RAPH1: variants seen among roughly 807,000 people sequenced by gnomAD.
The protein encoded by RAPH1 is ras-associated and pleckstrin homology domains-containing protein 1.
In RAPH1, 18 loss-of-function variants were observed where a neutral mutation model predicts 88.1. The ratio of observed to expected loss-of-function variants is 0.20; its 90% CI spans 0.14 to 0.30. The LOEUF (loss-of-function observed/expected upper bound fraction) is 0.30, where lower values mean the gene tolerates loss of function less well. RAPH1 is among the 10% of genes least tolerant of loss of function. The probability of loss-of-function intolerance (pLI) is 1.00; values close to 1 mark genes in which losing one functional copy is unlikely to be tolerated. For synonymous variants in RAPH1, 587 were observed against 559.0 expected (o/e 1.05, Z -0.71); for missense variants, 1,448 against 1,543.2 (o/e 0.94, Z 1.03).
intron 4 of RAPH1, among the ~76,000 whole-genome samples, chr2:203,472,328 C>T (rs190629485): frequency 2.0e-5 from 3 of 152,170 alleles, no homozygotes; most frequent in East Asian, 1.9e-4. Context: ...GACAGAGTTT[C>T]GCCATGTTAG....
intron 1 of RAPH1, among the ~76,000 whole-genome samples, chr2:203,496,158 A>T (rs1211090503): frequency 6.6e-6 from 1 of 152,138 alleles, no homozygotes; most frequent in Non-Finnish European, 1.5e-5. Context: ...CAGGGGTTTG[A>T]AACCAGCCTG....
intron 1 of RAPH1, among the ~76,000 whole-genome samples, chr2:203,522,535 A>AT (rs1220386884): frequency 2.6e-5 from 4 of 152,154 alleles, no homozygotes; most frequent in Non-Finnish European, 4.4e-5. Flanking sequence ...CCCAGTGGGC[A>AT]TTTTTTTACA....
chr2:203,476,503 A>G (rs1687461436), intron 4 of RAPH1, among the ~76,000 whole-genome samples: 1 of 152,056 alleles, frequency 6.6e-6, no homozygotes, highest in South Asian at 2.1e-4. Flanking sequence ...GTTTCATAGT[A>G]AGTCTTTGAA....
At position 203,457,182 on chromosome 2, in the gene RAPH1, T is replaced by A. The variant is rs1302804865; in HGVS notation, c.1158+348A>T. On this transcript the variant is annotated intron_variant, in intron 8 of 13. Coordinates refer to ENST00000319170, the MANE Select transcript of RAPH1 (RefSeq NM_213589.3). Reference sequence around the variant, plus strand: ...AAGGTATTTAATATTTTATTTTATTTATTTATTTATTTATTTATTTTATTG... The same window carrying A: ...AAGGTATTTAATATTTTATTTTATTAATTTATTTATTTATTTATTTTATTG... 5.2e-4 allele frequency among the ~76,000 whole-genome samples: 79 copies of A among 151,856 alleles called. 1 individual carries two copies. The East Asian group carries it at 0.015, about 29-fold the overall frequency.
chr2:203,520,074 T>C (rs1331265531), intron 1 of RAPH1, among the ~76,000 whole-genome samples: 3 of 152,146 alleles, frequency 2.0e-5, no homozygotes, highest in Non-Finnish European at 4.4e-5. Context: ...ACACCTGTAA[T>C]CCTAGCACTT....
intron 1 of RAPH1, among the ~76,000 whole-genome samples, chr2:203,506,048 T>C (rs1688978338): frequency 6.6e-6 from 1 of 152,114 alleles, no homozygotes; most frequent in African/African-American, 2.4e-5. Context: ...GGCAGCAGTA[T>C]TTTTCTTCAC....
intron 13 of RAPH1, chr2:203,441,761 C>A (rs888469461): frequency 7.1e-6 from 9 of 1,275,562 alleles, no homozygotes; most frequent in Non-Finnish European, 8.9e-6. Context: ...CTACATGGAA[C>A]CCTCTGTGGC....
intron 8 of RAPH1, 70 bp from the exon 9 acceptor site, chr2:203,455,650 T>A: frequency 7.0e-7 from 1 of 1,424,640 alleles, no homozygotes; most frequent in East Asian, 2.3e-5. Flanking sequence ...TGTTTACTCC[T>A]GTGAAATGCA....
chr2:203,479,720 A>G (rs1687635874), intron 4 of RAPH1, among the ~76,000 whole-genome samples: 2 of 152,182 alleles, frequency 1.3e-5, no homozygotes, highest in Admixed American at 6.5e-5. Context: ...CCCTTACCAG[A>G]AAAGGATATA....
chr2:203,441,045 AGGGGGAGGG>A lies in RAPH1; in HGVS notation c.2136_2144del (p.Pro717_Pro719del). 3.1e-6 allele frequency: 1 copy of A among 321,238 alleles called. No homozygotes were observed. The highest frequency in any genetic ancestry group is 4.5e-6 in the Non-Finnish European group (1 of 223,888). The allele number at this position is 321,238 out of a possible 1,614,324, so 19.9% of individuals were successfully genotyped here. On this transcript the variant is annotated inframe_deletion, in exon 14 of 14. Transcript: ENST00000319170. Reference sequence around the variant, plus strand: ...CAGAGCCTGGGGTTGGGGGTGGAGGAGGGGGAGGGGGTGGTGGAACAACTCCATTGGGGG... The same window carrying A: ...CAGAGCCTGGGGTTGGGGGTGGAGGAGGTGGTGGAACAACTCCATTGGGGG...
chr2:203,497,283 A>T (rs972725905), intron 1 of RAPH1, among the ~76,000 whole-genome samples: 1 of 152,220 alleles, frequency 6.6e-6, no homozygotes, highest in Non-Finnish European at 1.5e-5. Context: ...CCAGAATAGT[A>T]AGAAAATTAA....
In RAPH1 at chr2:203,440,369, G is replaced by C. The variant is rs770000654; in HGVS notation, c.2821C>G (p.Pro941Ala). The stretch of plus-strand genomic sequence containing the variant: ...GTAGGAGAAGCTGTGGGTGGAGGTG[G>C]TGGTGGTGGGGCTGGGACAGGTGAT... ...PPSPVPAPPP[P>A]PPPTASPTPD... The change falls in exon 14 of 14, where the codon CCA becomes GCA. Residue 941 changes from proline (P) to alanine (A), a missense_variant. Around this residue, in one of 2 missense-constraint regions of RAPH1, gnomAD observed 935 missense variants for 890.1 expected, o/e 1.05. Transcript: ENST00000319170. 6.2e-7 allele frequency: 1 copy of C among 1,602,192 alleles called. No individual in the cohort carries two copies. The highest frequency in any genetic ancestry group is 1.3e-5 in the African/African-American group (1 of 74,536).
intron 7 of RAPH1, among the ~76,000 whole-genome samples, chr2:203,458,844 G>A (rs536800611): frequency 6.6e-6 from 1 of 151,814 alleles, no homozygotes; most frequent in African/African-American, 2.4e-5. Flanking sequence ...CTCAGTGCAA[G>A]CTCCGACTCC....
intron 4 of RAPH1, among the ~76,000 whole-genome samples, chr2:203,478,471 G>A (rs951056559): frequency 1.3e-5 from 2 of 151,924 alleles, no homozygotes; most frequent in Admixed American, 6.6e-5. Flanking sequence ...CACTTCATAA[G>A]GACATCATTT....
chr2:203,439,935 G>A lies in RAPH1; in HGVS notation c.3255C>T (p.Pro1085=). 6.2e-7 allele frequency: 1 copy of A among 1,613,908 alleles called. No individual in the cohort carries two copies. The highest frequency in any genetic ancestry group is 8.5e-7 in the Non-Finnish European group (1 of 1,180,014). The change falls in exon 14 of 14, where the codon CCC becomes CCT. Residue 1085 remains proline, a synonymous_variant. Transcript: ENST00000319170. ...AGAAAACTGCTGGAATCTCAATGGG[G>A]GGCAGAGGAAGCTCTGTTTCAGGTG... ...PPPPETELPL[P]PIEIPAVFSG...
chr2:203,438,082 G>A lies in RAPH1; in HGVS notation c.*1355C>T, dbSNP rs540819276. ...CTCCACGTTATACCAAACTGCACAC[G>A]CATAAAACGTAATGTCAGTTACTGG... On this transcript the variant is annotated 3_prime_UTR_variant, in exon 14 of 14. Transcript: ENST00000319170. The A allele has an allele frequency of 3.4e-4, 173 of 510,144 alleles. 2 individuals carry two copies. The highest frequency in any genetic ancestry group is 2.0e-3 in the South Asian group (138 of 69,418). The allele number at this position is 510,144 out of a possible 1,614,324, so 31.6% of individuals were successfully genotyped here. A position where few individuals can be genotyped will look rare whatever the true frequency, so the allele number is the denominator to read the frequency against.
In RAPH1 at chr2:203,439,673, G is replaced by A; in HGVS notation, c.3517C>T (p.Leu1173=). 1 of 1,614,136 alleles carries A rather than the reference G, an allele frequency of 6.2e-7. No homozygotes were observed. The highest frequency in any genetic ancestry group is 2.2e-5 in the East Asian group (1 of 44,876). The change falls in exon 14 of 14, where the codon CTG becomes TTG. Residue 1173 remains leucine, a synonymous_variant. Transcript: ENST00000319170. ...PGFLADLNRT[L]QRKSITRHGS... Reference sequence around the variant, plus strand: ...TGCCGAGTGATGGACTTTCGTTGCAGTGTCCTGTTGAGGTCAGCCAGGAAT... The same window carrying A: ...TGCCGAGTGATGGACTTTCGTTGCAATGTCCTGTTGAGGTCAGCCAGGAAT...
rs143283518 is a variant in RAPH1, at chr2:203,440,582, G to T, written c.2608C>A (p.Pro870Thr). The T allele has an allele frequency of 2.3e-5, 36 of 1,554,026 alleles. No homozygotes were observed. In the African/African-American group the frequency reaches 4.7e-4, roughly 20 times the overall value. ...SVVKQIASQF[P>T]PPPTPPAMES... ...ATGGCAGGGGGAGTTGGAGGGGGTG[G>T]AAACTGGCTGGCTATCTGCTTCACG... The change falls in exon 14 of 14, where the codon CCA (proline) becomes ACA (threonine). Residue 870 changes from proline (P) to threonine (T), a missense_variant. Transcript: ENST00000319170.
chr2:203,479,048 G>A (rs912057489), intron 4 of RAPH1, among the ~76,000 whole-genome samples: 3 of 151,968 alleles, frequency 2.0e-5, no homozygotes, highest in Admixed American at 6.6e-5. Flanking sequence ...AAGTATTAAC[G>A]AATATACGGG....
Sources: allele counts gnomAD v4.1 joint callset (sites outside exome capture counted in the v4.1 genomes callset), GRCh38; gene constraint gnomAD v4.1.1; regional missense constraint gnomAD v4.1.1; transcripts MANE v1.5; gene names NCBI Gene and HGNC (gene_info 2026-07-23, HGNC 2026-07-21).